The following SLC9A8 variants were observed in gnomAD, a reference collection of about 807,000 sequenced individuals.
SLC9A8 encodes the protein sodium/hydrogen exchanger 8.
A neutral mutation model predicts 66.6 loss-of-function variants in SLC9A8; 48 were observed. That is an observed-to-expected ratio of 0.72 (90% CI 0.57 to 0.92). The LOEUF is 0.92. Ranked by LOEUF, SLC9A8 falls within the 40% of genes least tolerant of loss-of-function variation. The pLI is 0.00. For missense variants in SLC9A8, 599 were observed against 747.3 expected (o/e 0.80, Z 2.31); for synonymous variants, 274 against 282.6 (o/e 0.97, Z 0.31).
intron 10 of SLC9A8, among the ~76,000 whole-genome samples, chr20:49,870,150 T>C (rs2089158570): frequency 6.6e-6 from 1 of 152,244 alleles, no homozygotes; most frequent in Non-Finnish European, 1.5e-5. Context: ...CAAGAAATAC[T>C]TATTAAATGT....
intron 14 of SLC9A8, chr20:49,884,274 GACACAC>G (rs1202309628): frequency 0.049 from 5,901 of 119,316 alleles, 1,017 homozygotes; most frequent in East Asian, 0.082. Flanking sequence ...ACACACACAC[GACACAC>G]ACACACACGA....
chr20:49,870,201 T>C (rs1452045608), intron 10 of SLC9A8, among the ~76,000 whole-genome samples: 1 of 152,212 alleles, frequency 6.6e-6, no homozygotes, highest in Admixed American at 6.5e-5. Flanking sequence ...TGGGGCTACA[T>C]TTATAAACAA....
chr20:49,849,651 G>A lies in SLC9A8; in HGVS notation c.505G>A (p.Val169Ile), dbSNP rs1379412521. ...VFGTAISAFV[V>I]GGGIYFLGQA... The stretch of plus-strand genomic sequence containing the variant: ...TGGGACGGCAATCTCCGCTTTTGTA[G>A]TAGGTGGAGGAATTTATTTTCTGGG... Residue 169 changes from valine to isoleucine, a missense_variant, in exon 6 of 16, where the codon GTA becomes ATA. This residue lies in a region of SLC9A8 where 467 missense variants were observed against 626.5 expected (regional missense o/e 0.75). Coordinates refer to ENST00000361573, the MANE Select transcript of SLC9A8 (RefSeq NM_015266.3). 2 of 1,613,090 alleles carry A rather than the reference G, an allele frequency of 1.2e-6. No individual in the cohort carries two copies. Among genetic ancestry groups the A allele is most frequent in the Admixed American group, 3.3e-5 (2 of 60,008 alleles).
At chr20:49,862,597 G>T (rs1840433385) in intron 8 of SLC9A8, among the ~76,000 whole-genome samples, 1 of 152,044 alleles carries the variant, frequency 6.6e-6, no homozygotes, top group Non-Finnish European at 1.5e-5. Flanking sequence ...CCTTGAGCCC[G>T]GCCAGTCTGA....
chr20:49,886,650 G>T lies in SLC9A8; in HGVS notation c.1492-102G>T. ...CTGCATTGATGGTCAAGTGGAGTTA[G>T]GGTTGGGGACACTGGCGGCCTGGGT... On this transcript the variant is annotated intron_variant, in intron 14 of 15. Transcript: ENST00000361573. This position sits in a 1 kb window ranked among gnomAD's most constrained non-coding sequence, Gnocchi z 4.8. 2 of 1,381,634 alleles carry T rather than the reference G, an allele frequency of 1.4e-6. No individual in the cohort carries two copies. The highest frequency in any genetic ancestry group is 1.3e-5 in the South Asian group (1 of 74,862). 85.6% of individuals were successfully genotyped at this position (1,381,634 alleles called of 1,614,324 possible).
chr20:49,884,157 T>C, intron 14 of SLC9A8, 91 bp downstream of exon 14: 2 of 1,058,238 alleles, frequency 1.9e-6, no homozygotes, highest in Non-Finnish European at 2.8e-6. Flanking sequence ...GAGATGAGCC[T>C]TGCTTTCTTG....
chr20:49,843,247 T>C (rs1226789775), intron 4 of SLC9A8, among the ~76,000 whole-genome samples: 2 of 152,172 alleles, frequency 1.3e-5, no homozygotes, highest in African/African-American at 4.8e-5. Flanking sequence ...GTGGTCCTGC[T>C]GCACAGATCC....
intron 7 of SLC9A8, among the ~76,000 whole-genome samples, chr20:49,854,694 A>C (rs1343098990): frequency 6.6e-6 from 1 of 152,154 alleles, no homozygotes; most frequent in Non-Finnish European, 1.5e-5. Flanking sequence ...AAGTTACTTC[A>C]TCATCCCGTT....
intron 2 of SLC9A8, among the ~76,000 whole-genome samples, chr20:49,817,340 A>G (rs1413455642): frequency 6.6e-6 from 1 of 151,316 alleles, no homozygotes; most frequent in Non-Finnish European, 1.5e-5. Context: ...AAAAACAAAA[A>G]CAAATTCTTG....
rs1255809399 is a variant in SLC9A8 at position 49,888,113 on chromosome 20, G to A, written c.*177G>A. The A allele has an allele frequency of 5.5e-6, 3 of 544,494 alleles. No homozygotes were observed. Among genetic ancestry groups the A allele is most frequent in the Non-Finnish European group, 9.9e-6 (3 of 303,550 alleles). The allele number at this position is 544,494 out of a possible 1,614,324, so 33.7% of individuals were successfully genotyped here. A position where few individuals can be genotyped will look rare whatever the true frequency, so the allele number is the denominator to read the frequency against. ...GTCCAGAACCTGACAGGCCTCTGGA[G>A]CCAGGCGACTTCTTGGGAAACTGTC... On this transcript the variant is annotated 3_prime_UTR_variant, in exon 16 of 16. Transcript: ENST00000361573.
chr20:49,861,124 A>G (rs1386272871), intron 8 of SLC9A8, among the ~76,000 whole-genome samples: 5 of 152,176 alleles, frequency 3.3e-5, no homozygotes, highest in African/African-American at 1.2e-4. Flanking sequence ...AGTGTGGCCC[A>G]GATGTTTAGA....
chr20:49,880,482 A>C (rs999601356), intron 12 of SLC9A8, among the ~76,000 whole-genome samples: 2 of 152,012 alleles, frequency 1.3e-5, no homozygotes, highest in African/African-American at 2.4e-5. Flanking sequence ...CCTTTCCCTG[A>C]GGGAGAGGCA....
Position 49,855,634 on chromosome 20 carries a change from C to CT in SLC9A8, c.713+55dup. On this transcript the variant is annotated intron_variant, in intron 8 of 15. Transcript: ENST00000361573. ...TTTTCATGTGACAGAACTAAAGGTC[C>CT]TTGTAACAAAGGGGCAGATATTTCC... The CT allele has an allele frequency of 1.9e-6, 3 of 1,561,786 alleles. No homozygotes were observed. In the South Asian group the frequency reaches 3.4e-5, roughly 18 times the overall value.
In SLC9A8 at chr20:49,887,863, T is replaced by C. The variant is rs925016667; in HGVS notation, c.1673T>C (p.Leu558Pro). The change falls in exon 16 of 16, where the codon CTC becomes CCC. Residue 558 changes from leucine to proline, a missense_variant. Leu to Pro is a moderately conservative substitution (Grantham distance 98). Transcript: ENST00000361573. ...LHHGRIQMKT[L>P]TNKWYEEVRQ... is the part of the protein sequence containing the mutation. ...CACGGGCGCATCCAGATGAAAACTC[T>C]CACCAACAAGTGGTACGAGGAGGTA... 6 of 1,612,834 alleles carry C rather than the reference T, an allele frequency of 3.7e-6. No homozygotes were observed. The highest frequency in any genetic ancestry group is 3.3e-4 in the Middle Eastern group (2 of 6,054).
intron 11 of SLC9A8, among the ~76,000 whole-genome samples, chr20:49,877,657 C>T (rs150165202): frequency 6.6e-6 from 1 of 152,340 alleles, no homozygotes; most frequent in East Asian, 1.9e-4. Context: ...GGGGCCCTTG[C>T]TAATGACAGT....
At chr20:49,834,308 C>T (rs1375850679) in intron 3 of SLC9A8, among the ~76,000 whole-genome samples, 2 of 123,184 alleles carry the variant, frequency 1.6e-5, no homozygotes, top group African/African-American at 5.9e-5. Context: ...ACTATATATA[C>T]AGTGTGTATA....
At chr20:49,814,345 A>C (rs1025759944) in intron 1 of SLC9A8, among the ~76,000 whole-genome samples, 1 of 152,220 alleles carries the variant, frequency 6.6e-6, no homozygotes, top group African/African-American at 2.4e-5. Context: ...TGTGTTACCT[A>C]GTTCCTGGAA....
intron 14 of SLC9A8, among the ~76,000 whole-genome samples, chr20:49,885,097 G>C (rs2089841148): frequency 6.6e-6 from 1 of 152,236 alleles, no homozygotes; most frequent in Non-Finnish European, 1.5e-5. Context: ...GTGCAGTGCT[G>C]CTGGGAGGAA....
intron 13 of SLC9A8, among the ~76,000 whole-genome samples, chr20:49,882,983 T>C (rs1451380713): frequency 6.6e-6 from 1 of 151,518 alleles, no homozygotes; most frequent in East Asian, 2.0e-4. Context: ...AAGGTCCTGG[T>C]GCTGTCTGCA....
Sources: allele counts gnomAD v4.1 joint callset (sites outside exome capture counted in the v4.1 genomes callset), GRCh38; gene constraint gnomAD v4.1.1; regional missense constraint gnomAD v4.1.1; non-coding constraint Gnocchi (gnomAD v3.1); transcripts MANE v1.5; gene names NCBI Gene and HGNC (gene_info 2026-07-23, HGNC 2026-07-21).